Variants in PRR16 observed in about 807,000 individuals in gnomAD.
PRR16 encodes the protein proline rich 16.
In PRR16, 6 loss-of-function variants were observed where a neutral mutation model predicts 18.2. The observed-to-expected ratio is 0.33, with a 90% CI of 0.18 to 0.65. The LOEUF is 0.65. Among genes scored for constraint, PRR16 ranks in the 30% least tolerant of loss-of-function variants. The probability of loss-of-function intolerance (pLI) is 0.74; values close to 1 mark genes in which losing one functional copy is unlikely to be tolerated. For missense variants in PRR16, 412 were observed against 376.6 expected (o/e 1.09, Z -0.78); for synonymous variants, 151 against 147.8 (o/e 1.02, Z -0.16).
intron 1 of PRR16, among the ~76,000 whole-genome samples, chr5:120,583,277 T>A (rs1268033698): frequency 6.6e-6 from 1 of 151,912 alleles, no homozygotes; most frequent in Non-Finnish European, 1.5e-5. Flanking sequence ...CACTGGAGGA[T>A]TTTCAGTGTC....
intron 1 of PRR16, among the ~76,000 whole-genome samples, chr5:120,572,752 T>C (rs903893048): frequency 6.6e-6 from 1 of 152,158 alleles, no homozygotes; most frequent in South Asian, 2.1e-4. Context: ...AATCAAGAAA[T>C]AATAGGTCAT....
chr5:120,695,073 C>T, the PRR16 span, among the ~76,000 whole-genome samples: 1 of 152,072 alleles, frequency 6.6e-6, no homozygotes, highest in Non-Finnish European at 1.5e-5. Flanking sequence ...ATACATTCAC[C>T]AATATGAATA....
chr5:120,537,926 G>C (rs34632875), intron 1 of PRR16, among the ~76,000 whole-genome samples: 6 of 151,132 alleles, frequency 4.0e-5, no homozygotes, highest in African/African-American at 1.5e-4. Flanking sequence ...ACAGGCGCCC[G>C]CCACTACGCC....
chr5:120,704,231 C>T, the PRR16 span, among the ~76,000 whole-genome samples: 6 of 152,138 alleles, frequency 3.9e-5, no homozygotes, highest in African/African-American at 1.4e-4. Context: ...GCAGATAGTG[C>T]TATGGAAAGC....
intron 1 of PRR16, among the ~76,000 whole-genome samples, chr5:120,563,046 T>G (rs1752624575): frequency 6.6e-6 from 1 of 152,204 alleles, no homozygotes. Context: ...CCTTTATCAT[T>G]TCTTATAGGA....
chr5:120,655,543 T>C (rs551515367), intron 1 of PRR16, among the ~76,000 whole-genome samples: 1 of 151,976 alleles, frequency 6.6e-6, no homozygotes, highest in Non-Finnish European at 1.5e-5. Context: ...TGACAATATC[T>C]GATAACCAAA....
At chr5:120,727,739 G>A in the PRR16 span, among the ~76,000 whole-genome samples, 1 of 151,792 alleles carries the variant, frequency 6.6e-6, no homozygotes, top group African/African-American at 2.4e-5. Context: ...AACATATTTT[G>A]ATATATTCTA....
chr5:120,640,005 C>T (rs555536450), intron 1 of PRR16, among the ~76,000 whole-genome samples: 1 of 152,030 alleles, frequency 6.6e-6, no homozygotes, highest in Admixed American at 6.6e-5. Flanking sequence ...ATAGATGCAC[C>T]TGGAGGCCAT....
the PRR16 span, among the ~76,000 whole-genome samples, chr5:120,761,225 T>A: frequency 4.9e-4 from 75 of 152,266 alleles, no homozygotes; most frequent in African/African-American, 1.7e-3. Context: ...TCTTCTGTAT[T>A]TCTTCTAGTT....
the PRR16 span, among the ~76,000 whole-genome samples, chr5:120,786,012 T>C: frequency 6.6e-6 from 1 of 151,746 alleles, no homozygotes; most frequent in Non-Finnish European, 1.5e-5. Flanking sequence ...AAGTTTTTCA[T>C]TTTTTGTAGC....
rs564741183 is a variant in PRR16, at chr5:120,565,460, T to A, written c.159+100815T>A. Among the ~76,000 whole-genome samples, 12 of 152,320 alleles carry A rather than the reference T, an allele frequency of 7.9e-5. No homozygotes were observed. The South Asian group carries it at 2.1e-3, about 26-fold the overall frequency. ...CCCATTCAGATTAATCTGATTAACC[T>A]TGCCTAAATGTGCAGAAGACATTCA... On this transcript the variant is annotated intron_variant, in intron 1 of 1. Coordinates refer to ENST00000407149, the MANE Select transcript of PRR16 (RefSeq NM_001300783.2).
chr5:120,789,508 C>A, the PRR16 span, among the ~76,000 whole-genome samples: 1 of 152,048 alleles, frequency 6.6e-6, no homozygotes, highest in Admixed American at 6.6e-5. Context: ...TAAGTTTAAA[C>A]TGTATAGACT....
At chr5:120,503,436 TAGACTC>T (rs1189522110) in intron 1 of PRR16, among the ~76,000 whole-genome samples, 3 of 152,140 alleles carry the variant, frequency 2.0e-5, no homozygotes, top group African/African-American at 4.8e-5. Flanking sequence ...GAAATAATAA[TAGACTC>T]AGAGTTATTG....
At chr5:120,497,502 G>C (rs1277003315) in intron 1 of PRR16, among the ~76,000 whole-genome samples, 1 of 145,754 alleles carries the variant, frequency 6.9e-6, no homozygotes, top group Non-Finnish European at 1.5e-5. Flanking sequence ...CGATTCTCCT[G>C]CCTCAGCCTC....
intron 1 of PRR16, among the ~76,000 whole-genome samples, chr5:120,666,465 A>C (rs1278391253): frequency 1.3e-5 from 2 of 150,784 alleles, no homozygotes; most frequent in Non-Finnish European, 3.0e-5. Flanking sequence ...TCTCCTGCCT[A>C]ATTGCCCTGG....
intron 1 of PRR16, among the ~76,000 whole-genome samples, chr5:120,568,672 A>C (rs1349320583): frequency 6.6e-6 from 1 of 152,132 alleles, no homozygotes; most frequent in South Asian, 2.1e-4. Context: ...TTTGTAGTGA[A>C]CAGGGTAATA....
chr5:120,727,657 G>A, the PRR16 span, among the ~76,000 whole-genome samples: 1 of 151,988 alleles, frequency 6.6e-6, no homozygotes, highest in Non-Finnish European at 1.5e-5. Flanking sequence ...CAAACAATGT[G>A]GTTTTGAAAC....
the PRR16 span, among the ~76,000 whole-genome samples, chr5:120,714,531 C>T: frequency 6.6e-6 from 1 of 152,146 alleles, no homozygotes; most frequent in Admixed American, 6.5e-5. Flanking sequence ...CATTTTTACA[C>T]TGTTGGTGAG....
intron 1 of PRR16, among the ~76,000 whole-genome samples, chr5:120,550,950 T>C (rs1752235820): frequency 6.6e-6 from 1 of 152,054 alleles, no homozygotes; most frequent in South Asian, 2.1e-4. Context: ...AAGTATACAA[T>C]GTGACGTTCT....
Sources: allele counts gnomAD v4.1 joint callset (sites outside exome capture counted in the v4.1 genomes callset), GRCh38; gene constraint gnomAD v4.1.1; transcripts MANE v1.5; gene names NCBI Gene and HGNC (gene_info 2026-07-23, HGNC 2026-07-21).